The following VTI1A variants were observed in gnomAD, a reference collection of about 807,000 sequenced individuals.
The protein encoded by VTI1A is vesicle transport through interaction with t-SNAREs homolog 1A.
Under a neutral mutation model 34.9 loss-of-function variants are expected in VTI1A, and 22 were observed. The observed-to-expected ratio is 0.63, with a 90% CI of 0.45 to 0.90. VTI1A has a LOEUF of 0.90. Among genes scored for constraint, VTI1A ranks in the 40% least tolerant of loss-of-function variants. The probability of loss-of-function intolerance (pLI) is 0.00; values close to 1 mark genes in which losing one functional copy is unlikely to be tolerated. For missense variants in VTI1A, 268 were observed against 275.6 expected (o/e 0.97, Z 0.20); for synonymous variants, 87 against 97.3 (o/e 0.89, Z 0.62).
At chr10:112,659,019 G>A (rs1220209466) in intron 5 of VTI1A, among the ~76,000 whole-genome samples, 6 of 152,212 alleles carry the variant, frequency 3.9e-5, no homozygotes, top group Admixed American at 2.0e-4. Flanking sequence ...AATGTGTGCA[G>A]AGTTCACAAA....
At chr10:112,625,056 C>G (rs368357636) in intron 5 of VTI1A, among the ~76,000 whole-genome samples, 2 of 152,108 alleles carry the variant, frequency 1.3e-5, no homozygotes, top group African/African-American at 4.8e-5. Context: ...CATGATCATG[C>G]CACTGTACTC....
At chr10:112,509,978 G>A (rs1052464528) in intron 3 of VTI1A, among the ~76,000 whole-genome samples, 3 of 152,130 alleles carry the variant, frequency 2.0e-5, no homozygotes, top group Non-Finnish European at 4.4e-5. Flanking sequence ...CTAGCCCTAA[G>A]GTCCCATTAT....
At chr10:112,736,343 G>T (rs541057222) in intron 7 of VTI1A, among the ~76,000 whole-genome samples, 2 of 151,930 alleles carry the variant, frequency 1.3e-5, no homozygotes, top group Non-Finnish European at 2.9e-5. Context: ...AGCTATGCAA[G>T]GACAGATTCC....
chr10:112,493,637 T>C (rs1363017185), intron 3 of VTI1A, among the ~76,000 whole-genome samples: 1 of 152,162 alleles, frequency 6.6e-6, no homozygotes, highest in Non-Finnish European at 1.5e-5. Context: ...GGTTGAGGAA[T>C]TTCCCTTTTA....
intron 7 of VTI1A, among the ~76,000 whole-genome samples, chr10:112,754,718 G>A (rs1159180366): frequency 6.6e-6 from 1 of 152,160 alleles, no homozygotes; most frequent in Admixed American, 6.5e-5. Flanking sequence ...CCTGGCAGCT[G>A]GCCAGGCACC....
the VTI1A span, chr10:112,827,062 T>G: frequency 3.3e-5 from 5 of 152,246 alleles, no homozygotes; most frequent in East Asian, 9.7e-4. Flanking sequence ...CATGTTAAAG[T>G]TTTGGCTTTT....
chr10:112,756,673 A>AT (rs1167306671), intron 7 of VTI1A, among the ~76,000 whole-genome samples: 1 of 152,038 alleles, frequency 6.6e-6, no homozygotes, highest in African/African-American at 2.4e-5. Context: ...TCATTAAAAT[A>AT]TTTTTTTCTC....
intron 5 of VTI1A, among the ~76,000 whole-genome samples, chr10:112,545,177 C>T (rs979936296): frequency 2.0e-5 from 3 of 152,212 alleles, no homozygotes; most frequent in Non-Finnish European, 2.9e-5. Context: ...CATTTTGGAA[C>T]AAAGAGCTTG....
At chr10:112,573,898 C>T (rs1452687551) in intron 5 of VTI1A, among the ~76,000 whole-genome samples, 1 of 152,044 alleles carries the variant, frequency 6.6e-6, no homozygotes, top group Non-Finnish European at 1.5e-5. Context: ...AGACTAATAC[C>T]ATTGGCTTCT....
intron 7 of VTI1A, among the ~76,000 whole-genome samples, chr10:112,716,928 G>A (rs1849631530): frequency 6.6e-6 from 1 of 152,168 alleles, no homozygotes; most frequent in African/African-American, 2.4e-5. Context: ...TACCTTAGAG[G>A]GGCTGTAGGT....
chr10:112,461,522 G>A (rs377552676), intron 2 of VTI1A, among the ~76,000 whole-genome samples: 2 of 152,202 alleles, frequency 1.3e-5, no homozygotes, highest in Non-Finnish European at 2.9e-5. Context: ...AAGTGATAGA[G>A]TAAATATTTG....
At chr10:112,570,549 T>G (rs985442112) in intron 5 of VTI1A, among the ~76,000 whole-genome samples, 1 of 152,126 alleles carries the variant, frequency 6.6e-6, no homozygotes, top group African/African-American at 2.4e-5. Flanking sequence ...TTTTGAGATA[T>G]AAACAAAAAA....
intron 5 of VTI1A, among the ~76,000 whole-genome samples, chr10:112,644,909 T>C (rs1464902558): frequency 6.6e-6 from 1 of 152,198 alleles, no homozygotes; most frequent in Admixed American, 6.5e-5. Context: ...TAGTTAGACA[T>C]AGTAACAAAA....
At chr10:112,855,325 G>C in the VTI1A span, among the ~76,000 whole-genome samples, 1 of 152,140 alleles carries the variant, frequency 6.6e-6, no homozygotes. Flanking sequence ...CCAGTCCAGA[G>C]AGGGTTCCTA....
chr10:112,834,226 C>T, the VTI1A span, among the ~76,000 whole-genome samples: 4 of 152,186 alleles, frequency 2.6e-5, no homozygotes, highest in Admixed American at 2.0e-4. Flanking sequence ...GACCAGCCCA[C>T]ACCCCCGCCC....
intron 5 of VTI1A, among the ~76,000 whole-genome samples, chr10:112,625,727 G>T (rs57607178): frequency 6.6e-6 from 1 of 151,568 alleles, no homozygotes; most frequent in Non-Finnish European, 1.5e-5. Context: ...TAAGAATGAC[G>T]CAATGGACTT....
chr10:112,755,456 A>G (rs1455058536), intron 7 of VTI1A, among the ~76,000 whole-genome samples: 5 of 152,190 alleles, frequency 3.3e-5, no homozygotes, highest in Non-Finnish European at 1.5e-5. Flanking sequence ...AATGAAGAAT[A>G]GTGGAGAAGT....
intron 7 of VTI1A, among the ~76,000 whole-genome samples, chr10:112,721,885 G>C (rs1370782429): frequency 6.6e-6 from 1 of 152,188 alleles, no homozygotes; most frequent in Non-Finnish European, 1.5e-5. Flanking sequence ...AGGGCTGACT[G>C]ACCATCTGGA....
intron 7 of VTI1A, among the ~76,000 whole-genome samples, chr10:112,720,927 T>C (rs1849782053): frequency 6.6e-6 from 1 of 152,088 alleles, no homozygotes; most frequent in African/African-American, 2.4e-5. Flanking sequence ...AGAGAGAATA[T>C]AGCACTTTGC....
Sources: allele counts gnomAD v4.1 joint callset (sites outside exome capture counted in the v4.1 genomes callset), GRCh38; gene constraint gnomAD v4.1.1; transcripts MANE v1.5; gene names NCBI Gene and HGNC (gene_info 2026-07-23, HGNC 2026-07-21).